ZNF273: variants seen among roughly 807,000 people sequenced by gnomAD.
ZNF273 encodes zinc finger protein 273, also known as zinc finger protein 9.
Under a neutral mutation model 14.9 loss-of-function variants are expected in ZNF273, and 11 were observed. The ratio of observed to expected loss-of-function variants is 0.74; its 90% CI spans 0.46 to 1.22. The LOEUF is 1.22. Ranked by LOEUF, ZNF273 falls within the 50% of genes most tolerant of loss-of-function variation. ZNF273 has a pLI of 0.00. For missense variants in ZNF273, 577 were observed against 660.6 expected, an observed-to-expected ratio of 0.87 and a Z score of 1.39; for synonymous variants, 199 against 223.9, an observed-to-expected ratio of 0.89 and a Z score of 0.99.
intron 1 of ZNF273, among the ~76,000 whole-genome samples, chr7:64,912,826 G>GTTTTGTTTTTTTTTTTTT (rs746174998): frequency 2.5e-4 from 9 of 36,568 alleles, no homozygotes; most frequent in Non-Finnish European, 4.5e-4. Flanking sequence ...ATTCATTTTA[G>GTTTTGTTTTTTTTTTTTT]TTTTTTTTTT....
At chr7:64,889,515 C>T (rs546085490), downstream of ZNF273, 1 of 985,856 alleles carries the variant, frequency 1.0e-6, no homozygotes, top group Non-Finnish European at 1.2e-6. The surrounding 1 kb of genome is among the most constrained non-coding windows in gnomAD (Gnocchi z 4.2). Flanking sequence ...CGCCCTGGTT[C>T]CTGGCAGCTC....
intron 1 of ZNF273, among the ~76,000 whole-genome samples, chr7:64,910,110 T>G (rs10276867): frequency 6.6e-6 from 1 of 151,954 alleles, no homozygotes; most frequent in East Asian, 1.9e-4. Flanking sequence ...ATATTTTCTA[T>G]TGTTCTGTAG....
At position 64,927,842 on chromosome 7, in the gene ZNF273, A is replaced by G; in HGVS notation, c.514A>G (p.Thr172Ala). 1 of 1,614,116 alleles carries G rather than the reference A, an allele frequency of 6.2e-7. No homozygotes were observed. Among genetic ancestry groups the G allele is most frequent in the Non-Finnish European group, 8.5e-7 (1 of 1,179,984 alleles). ...GYNGLNQCLTTTQSKIFQCDK... is the reference protein window; with the variant it reads ...GYNGLNQCLTATQSKIFQCDK... The stretch of plus-strand genomic sequence containing the variant: ...TAATGGACTTAACCAATGTTTGACA[A>G]CTACCCAGAGCAAAATATTTCAATG... Residue 172 changes from threonine to alanine, a missense_variant, in exon 4 of 4, where the codon ACT becomes GCT. By Grantham distance (58) the Thr-to-Ala change is moderately conservative. Coordinates refer to ENST00000476120, the MANE Select transcript of ZNF273 (RefSeq NM_021148.3).
chr7:64,924,396 T>C (rs2129098876), intron 3 of ZNF273: 1 of 152,322 alleles, frequency 6.6e-6, no homozygotes, highest in East Asian at 1.9e-4. Flanking sequence ...GTTTTATTCT[T>C]ACTATAGAAA....
At chr7:64,905,135 T>TTTG (rs1793005576) in intron 1 of ZNF273, among the ~76,000 whole-genome samples, 1 of 64,590 alleles carries the variant, frequency 1.5e-5, no homozygotes, top group African/African-American at 5.4e-5. Context: ...TTTTTTTTTT[T>TTTG]GAGACAGTCT....
intron 1 of ZNF273, among the ~76,000 whole-genome samples, chr7:64,910,938 C>G (rs10262352): frequency 0.99 from 149,826 of 151,916 alleles, 73,919 homozygotes; most frequent in East Asian, 1. Flanking sequence ...GCTAATTTTT[C>G]TATTTTTAGT....
chr7:64,919,183 T>C (rs553732942), intron 3 of ZNF273, among the ~76,000 whole-genome samples: 83 of 152,364 alleles, frequency 5.4e-4, no homozygotes, highest in Non-Finnish European at 1.0e-3. Context: ...TTTAGGATTA[T>C]ATTTTCCATT....
chr7:64,918,659 CAAAAAAAAAA>C (rs1171857179), intron 3 of ZNF273, among the ~76,000 whole-genome samples: 13 of 80,052 alleles, frequency 1.6e-4, no homozygotes, highest in African/African-American at 4.5e-4. Flanking sequence ...GACTCCATCT[CAAAAAAAAAA>C]AAAAAAAAAA....
chr7:64,880,505 T>C (rs1474012391), downstream of ZNF273, among the ~76,000 whole-genome samples: 1 of 151,052 alleles, frequency 6.6e-6, no homozygotes, highest in Admixed American at 6.6e-5. Context: ...TGATGGCGGC[T>C]GTGTGTGTGT....
chr7:64,889,168 C>G, downstream of ZNF273: 3 of 985,922 alleles, frequency 3.0e-6, no homozygotes, highest in Non-Finnish European at 3.6e-6. This position sits in a 1 kb window ranked among gnomAD's most constrained non-coding sequence, Gnocchi z 4.2. Flanking sequence ...GCTGAGCTCA[C>G]TTGCTGGCGG....
chr7:64,929,257 AT>A lies in ZNF273; in HGVS notation c.*221del, dbSNP rs148179271. On this transcript the variant is annotated 3_prime_UTR_variant, in exon 4 of 4. Transcript: ENST00000476120. Reference sequence around the variant, plus strand: ...ATTTAATAAAAGCATTATCAATGAAATTACTGTCAAAAGATCTTTCAGACAA... The same window carrying A: ...ATTTAATAAAAGCATTATCAATGAAATACTGTCAAAAGATCTTTCAGACAA... The A allele has an allele frequency of 0.061, 21,948 of 359,224 alleles. 853 individuals are homozygous for A. The highest frequency in any genetic ancestry group is 0.079 in the Non-Finnish European group (16,056 of 202,602). 22.3% of individuals were successfully genotyped at this position (359,224 alleles called of 1,614,324 possible).
chr7:64,919,366 G>C (rs1365985168), intron 3 of ZNF273, among the ~76,000 whole-genome samples: 2 of 151,984 alleles, frequency 1.3e-5, no homozygotes, highest in Non-Finnish European at 2.9e-5. Flanking sequence ...TTTTAGGCTG[G>C]GTATGGCTGC....
At chr7:64,888,699 G>T in exon 2 of ZNF273, 1 of 985,678 alleles carries the variant, frequency 1.0e-6, no homozygotes, top group Admixed American at 6.1e-5. Context: ...TGAGAGGTCC[G>T]GCTCCTGGAG....
chr7:64,919,903 T>G (rs1296094682), intron 3 of ZNF273, among the ~76,000 whole-genome samples: 1 of 152,008 alleles, frequency 6.6e-6, no homozygotes, highest in Non-Finnish European at 1.5e-5. Flanking sequence ...CAATGGCTAT[T>G]TTTTCTTTTT....
chr7:64,889,205 C>G (rs1791803850), downstream of ZNF273: 2 of 985,870 alleles, frequency 2.0e-6, no homozygotes, highest in Non-Finnish European at 2.4e-6. This position sits in a 1 kb window ranked among gnomAD's most constrained non-coding sequence, Gnocchi z 4.2. Context: ...CATGGGGTCA[C>G]CGGCTTGTGG....
intron 1 of ZNF273, among the ~76,000 whole-genome samples, chr7:64,887,493 TTTG>T (rs969453027): frequency 5.3e-5 from 8 of 152,050 alleles, no homozygotes; most frequent in African/African-American, 1.5e-4. Context: ...GTGCAGTGTT[TTTG>T]TTGTTGTTTG....
chr7:64,937,170 C>G, the ZNF273 span, among the ~76,000 whole-genome samples: 2 of 152,282 alleles, frequency 1.3e-5, no homozygotes, highest in African/African-American at 4.8e-5. Context: ...AATACATTAG[C>G]TTTTTATGAA....
Position 64,905,109 on chromosome 7 carries a change from C to CT in ZNF273, c.102+1716dup, listed in dbSNP as rs61024093. Among the ~76,000 whole-genome samples the CT allele has an allele frequency of 3.5e-3, 263 of 75,364 alleles. 14 individuals are homozygous for CT. Among genetic ancestry groups the CT allele is most frequent in the African/African-American group, 9.5e-3 (184 of 19,270 alleles). 49.4% of individuals were successfully genotyped at this position (75,364 alleles called of 152,430 possible). On this transcript the variant is annotated intron_variant, in intron 1 of 3. Transcript: ENST00000476120. ...GGGCTGAGAGGCATCTCCTGGTGCA[C>CT]TTTTTTTTTTTTTTTTTTTTTTTTT...
Position 64,928,200 on chromosome 7 carries a change from A to G in ZNF273, c.872A>G (p.Lys291Arg). 1 of 1,613,512 alleles carries G rather than the reference A, an allele frequency of 6.2e-7. No homozygotes were observed. Among genetic ancestry groups the G allele is most frequent in the Non-Finnish European group, 8.5e-7 (1 of 1,179,800 alleles). Residue 291 changes from lysine (K) to arginine (R), a missense_variant, in exon 4 of 4, where the codon AAA becomes AGA. Lys to Arg is a conservative substitution (Grantham distance 26, BLOSUM62 2). Around this residue, in one of 3 missense-constraint regions of ZNF273, gnomAD observed 411 missense variants for 440.4 expected, o/e 0.93. Coordinates refer to ENST00000476120, the MANE Select transcript of ZNF273 (RefSeq NM_021148.3). ...ATTCATACTGAAGAGAAACCTTACA[A>G]ATGTGAAGATTGTGGCAAAGTCTTT... ...KKIHTEEKPY[K>R]CEDCGKVFSV...
Sources: gnomAD v4.1 joint callset for allele counts (sites outside exome capture counted in the v4.1 genomes callset) on GRCh38, gnomAD v4.1.1 for gene constraint, gnomAD v4.1.1 regional missense constraint, Gnocchi (gnomAD v3.1) non-coding constraint, MANE v1.5 for transcripts, NCBI Gene and HGNC (gene_info 2026-07-23, HGNC 2026-07-21) for gene names.